Variants in EPG5 observed in about 807,000 individuals in gnomAD.
The protein encoded by EPG5 is ectopic P-granules 5 autophagy tethering factor.
A neutral mutation model predicts 302.7 loss-of-function variants in EPG5; 159 were observed. The observed-to-expected ratio is 0.53, with a 90% CI of 0.46 to 0.60. EPG5 has a LOEUF of 0.60. Ranked by LOEUF, EPG5 falls within the 20% of genes least tolerant of loss-of-function variation. The pLI is 0.00. For missense variants in EPG5, 2,896 were observed against 3,092.4 expected (o/e 0.94, Z 1.51); for synonymous variants, 1,158 against 1,136.8 (o/e 1.02, Z -0.37).
In EPG5 at chr18:45,955,325, T is replaced by C. The variant is rs1366684500; in HGVS notation, c.77A>G (p.Tyr26Cys). Residue 26 changes from tyrosine (Y) to cysteine (C), a missense_variant, in exon 2 of 44, where the codon TAT (tyrosine) becomes TGT (cysteine). By Grantham distance (194) the Tyr-to-Cys change is radical. Around this residue, in one of 5 missense-constraint regions of EPG5, gnomAD observed 1,390 missense variants for 1,430.0 expected, o/e 0.97. Transcript: ENST00000282041. The stretch of plus-strand genomic sequence containing the variant: ...GGACTCTTCCCTCTGAGGAGTTTCA[T>C]ACTTCTTCTTTTCCTAAAAACAACA... ...SRTKTKEKKK[Y>C]ETPQREESSE... 1.3e-6 allele frequency: 2 copies of C among 1,551,248 alleles called. No homozygotes were observed. Among genetic ancestry groups the C allele is most frequent in the Non-Finnish European group, 1.7e-6 (2 of 1,150,524 alleles).
At chr18:45,827,048 G>A in the EPG5 span, among the ~76,000 whole-genome samples, 5 of 152,152 alleles carry the variant, frequency 3.3e-5, no homozygotes, top group Non-Finnish European at 5.9e-5. Context: ...CCAAGTAGCT[G>A]GGATTACAAG....
chr18:45,816,527 A>G, the EPG5 span, among the ~76,000 whole-genome samples: 1 of 152,366 alleles, frequency 6.6e-6, no homozygotes, highest in East Asian at 1.9e-4. Flanking sequence ...ACATGAAAAA[A>G]TGCTCAACAT....
intron 39 of EPG5, among the ~76,000 whole-genome samples, chr18:45,862,199 C>A (rs2048649278): frequency 6.6e-6 from 1 of 152,142 alleles, no homozygotes; most frequent in South Asian, 2.1e-4. Context: ...TTGTCTTATA[C>A]AGTCAGATTT....
At chr18:45,805,060 C>T in the EPG5 span, among the ~76,000 whole-genome samples, 3,720 of 151,908 alleles carry the variant, frequency 0.024, 150 homozygotes, top group African/African-American at 0.085. Flanking sequence ...ATTCTTAGAG[C>T]GGACATTGGG....
chr18:45,878,516 A>G (rs1245329297), intron 33 of EPG5, 68 bp from the exon 34 acceptor site: 3 of 1,003,124 alleles, frequency 3.0e-6, no homozygotes, highest in African/African-American at 1.6e-5. Context: ...CTCACATTAT[A>G]TAGAAAAATC....
chr18:45,955,904 T>C (rs2051017931), intron 1 of EPG5, among the ~76,000 whole-genome samples: 1 of 151,982 alleles, frequency 6.6e-6, no homozygotes, highest in South Asian at 2.1e-4. Context: ...TTCCAATGAA[T>C]AGAATTAACA....
chr18:45,901,765 CCACA>C (rs58432761), intron 25 of EPG5, among the ~76,000 whole-genome samples: 2,104 of 146,668 alleles, frequency 0.014, 46 homozygotes, highest in East Asian at 0.063. Context: ...CAATCCTGTG[CCACA>C]CACACACACA....
intron 24 of EPG5, 129 bp from the exon 25 acceptor site, chr18:45,904,246 T>A (rs1170165632): frequency 4.0e-6 from 4 of 998,062 alleles, no homozygotes; most frequent in Non-Finnish European, 5.8e-6. Context: ...TCCTCCACCA[T>A]TAGGATAAAT....
intron 39 of EPG5, among the ~76,000 whole-genome samples, chr18:45,861,800 T>A (rs1449523890): frequency 6.6e-6 from 1 of 152,180 alleles, no homozygotes; most frequent in Admixed American, 6.5e-5. Context: ...AAGGGTCTTG[T>A]CCATTTTTTT....
the EPG5 span, among the ~76,000 whole-genome samples, chr18:45,805,239 A>T: frequency 2.0e-5 from 3 of 152,106 alleles, no homozygotes; most frequent in Non-Finnish European, 2.9e-5. Flanking sequence ...AGAAATCTGA[A>T]TAAAGTCTGG....
chr18:45,944,610 C>A (rs2050747263), intron 7 of EPG5, among the ~76,000 whole-genome samples: 1 of 152,090 alleles, frequency 6.6e-6, no homozygotes, highest in Non-Finnish European at 1.5e-5. Flanking sequence ...CAAAAATTAG[C>A]CAGATGTGGT....
In EPG5 at chr18:45,904,049, C is replaced by T; in HGVS notation, c.4398G>A (p.Trp1466Ter). 6.2e-7 allele frequency: 1 copy of T among 1,613,296 alleles called. No homozygotes were observed. The highest frequency in any genetic ancestry group is 8.5e-7 in the Non-Finnish European group (1 of 1,179,816). ...AATGGGACTCAAGCTTGGCCTGTGT[C>T]CACAGACCAACAGTCTCCTGAAACT... ...YHEFQETVGL[W>*]TQAKLESHST... Residue 1466 changes from tryptophan to a stop codon, truncating the protein, a stop_gained, in exon 25 of 44, where the codon TGG becomes TGA. Coordinates refer to ENST00000282041, the MANE Select transcript of EPG5 (RefSeq NM_020964.3). LOFTEE classifies it high-confidence loss of function.
chr18:45,888,174 C>T (rs749601066), intron 28 of EPG5, among the ~76,000 whole-genome samples: 1 of 151,482 alleles, frequency 6.6e-6, no homozygotes, highest in Admixed American at 6.6e-5. Flanking sequence ...GGTGTGATCT[C>T]GGCTCACCAC....
At chr18:45,904,810 A>C (rs920022800) in intron 24 of EPG5, among the ~76,000 whole-genome samples, 1 of 152,224 alleles carries the variant, frequency 6.6e-6, no homozygotes, top group Non-Finnish European at 1.5e-5. Flanking sequence ...GATATAAAAA[A>C]TTATTTCTAA....
chr18:45,903,239 T>C (rs1268659538), intron 25 of EPG5, among the ~76,000 whole-genome samples: 2 of 151,958 alleles, frequency 1.3e-5, no homozygotes, highest in Non-Finnish European at 2.9e-5. Context: ...TTAATATATA[T>C]CTTTTATAAT....
At chr18:45,818,023 G>A in the EPG5 span, among the ~76,000 whole-genome samples, 2 of 152,040 alleles carry the variant, frequency 1.3e-5, no homozygotes, top group East Asian at 3.9e-4. Context: ...CCCTTTTTCT[G>A]TTAACATAAG....
At chr18:45,807,854 A>G in the EPG5 span, among the ~76,000 whole-genome samples, 8 of 152,238 alleles carry the variant, frequency 5.3e-5, no homozygotes, top group African/African-American at 1.7e-4. Flanking sequence ...CTAGCTCATC[A>G]GCAATGGATT....
At chr18:45,880,351 G>T (rs975531107) in intron 31 of EPG5, 128 bp from the exon 32 acceptor site, 37 of 895,612 alleles carry the variant, frequency 4.1e-5, no homozygotes, top group Non-Finnish European at 9.5e-6. Flanking sequence ...AACTCACAGG[G>T]ATATCTGGGG....
chr18:45,940,462 G>A (rs1363940059), intron 9 of EPG5, among the ~76,000 whole-genome samples: 1 of 151,960 alleles, frequency 6.6e-6, no homozygotes, highest in Non-Finnish European at 1.5e-5. Flanking sequence ...AAGGGCAGAA[G>A]CGGGTGGTGG....
Sources: allele counts gnomAD v4.1 joint callset (sites outside exome capture counted in the v4.1 genomes callset), GRCh38; gene constraint gnomAD v4.1.1; regional missense constraint gnomAD v4.1.1; transcripts MANE v1.5; gene names NCBI Gene and HGNC (gene_info 2026-07-23, HGNC 2026-07-21).